Variants in TFDP2 observed in about 807,000 individuals in gnomAD.
TFDP2 encodes transcription factor Dp-2 (E2F dimerization partner 2).
A neutral mutation model predicts 59.3 loss-of-function variants in TFDP2; 17 were observed. The observed-to-expected ratio is 0.29, with a 90% CI of 0.20 to 0.43. The LOEUF (loss-of-function observed/expected upper bound fraction) is 0.43, where lower values mean the gene tolerates loss of function less well. Ranked by LOEUF, TFDP2 falls within the 20% of genes least tolerant of loss-of-function variation. The pLI is 1.00. For synonymous variants in TFDP2, 180 were observed against 194.7 expected (o/e 0.92, Z 0.63); for missense variants, 391 against 528.8 (o/e 0.74, Z 2.56).
chr3:142,051,502 G>A (rs1236081392), intron 3 of TFDP2, among the ~76,000 whole-genome samples: 1 of 150,730 alleles, frequency 6.6e-6, no homozygotes, highest in Non-Finnish European at 1.5e-5. Context: ...CAGCCTGGGA[G>A]ACAGAGAGAG....
chr3:142,128,917 CTT>C (rs11313369), intron 1 of TFDP2, among the ~76,000 whole-genome samples: 68,587 of 150,246 alleles, frequency 0.46, 17,142 homozygotes, highest in East Asian at 0.71. Flanking sequence ...ATGCAACTTT[CTT>C]TTTTTTTTTG....
chr3:141,991,190 C>T (rs1210968922), intron 6 of TFDP2, among the ~76,000 whole-genome samples: 2 of 152,086 alleles, frequency 1.3e-5, no homozygotes, highest in African/African-American at 4.8e-5. Context: ...TCTTTCTTTC[C>T]AGGCACGTAA....
chr3:141,996,813 T>C (rs1033663026), intron 4 of TFDP2, among the ~76,000 whole-genome samples: 1 of 152,232 alleles, frequency 6.6e-6, no homozygotes, highest in East Asian at 1.9e-4. Flanking sequence ...GCTAGGAAGA[T>C]GTTAGCACCT....
intron 3 of TFDP2, among the ~76,000 whole-genome samples, chr3:142,047,828 G>A (rs140799159): frequency 0.017 from 2,437 of 146,260 alleles, 61 homozygotes; most frequent in African/African-American, 0.059. Context: ...TGCAACCTCC[G>A]CCTCCCGGGT....
intron 2 of TFDP2, among the ~76,000 whole-genome samples, chr3:142,094,271 A>G (rs2061092092): frequency 6.6e-6 from 1 of 151,848 alleles, no homozygotes; most frequent in Non-Finnish European, 1.5e-5. Flanking sequence ...AACTTGTAAC[A>G]TCACAAGTTT....
intron 3 of TFDP2, among the ~76,000 whole-genome samples, chr3:142,019,913 T>C (rs1190366922): frequency 2.6e-5 from 4 of 152,208 alleles, no homozygotes; most frequent in Non-Finnish European, 4.4e-5. Flanking sequence ...TCATTCATGA[T>C]TAACAGTTCC....
At chr3:142,040,989 T>C (rs1185867241) in intron 3 of TFDP2, among the ~76,000 whole-genome samples, 1 of 152,212 alleles carries the variant, frequency 6.6e-6, no homozygotes, top group African/African-American at 2.4e-5. Flanking sequence ...CTGGACTCTG[T>C]CCTATGTGCC....
intron 1 of TFDP2, among the ~76,000 whole-genome samples, chr3:142,124,711 A>C (rs1267466733): frequency 6.6e-6 from 1 of 152,160 alleles, no homozygotes. Flanking sequence ...TGATATGACT[A>C]CAAAAAATGC....
intron 5 of TFDP2, 132 bp from the exon 6 acceptor site, chr3:141,993,717 G>A (rs1006601308): frequency 2.1e-6 from 1 of 470,576 alleles, no homozygotes; most frequent in East Asian, 3.5e-5. Context: ...AAATACAAAA[G>A]ATAGGTACAT....
intron 3 of TFDP2, among the ~76,000 whole-genome samples, chr3:142,075,451 T>C (rs1162914464): frequency 6.6e-6 from 1 of 152,158 alleles, no homozygotes; most frequent in African/African-American, 2.4e-5. Context: ...AAGATTTTGT[T>C]TTTTCTGCGA....
At chr3:142,052,551 A>G (rs960009125) in intron 3 of TFDP2, among the ~76,000 whole-genome samples, 7 of 152,092 alleles carry the variant, frequency 4.6e-5, no homozygotes, top group Middle Eastern at 3.2e-3. Flanking sequence ...AAAGAAAAAA[A>G]AAAAGAAAAC....
At chr3:142,050,098 C>G (rs1947534796) in intron 3 of TFDP2, among the ~76,000 whole-genome samples, 1 of 151,632 alleles carries the variant, frequency 6.6e-6, no homozygotes, top group African/African-American at 2.4e-5. Flanking sequence ...AAAACCCCAT[C>G]TCTACTAAAA....
At chr3:142,088,374 A>G (rs1438944040) in intron 3 of TFDP2, among the ~76,000 whole-genome samples, 2 of 147,972 alleles carry the variant, frequency 1.4e-5, no homozygotes, top group African/African-American at 5.0e-5. Context: ...TCTATCCCCC[A>G]GGCTGGAGTG....
intron 7 of TFDP2, among the ~76,000 whole-genome samples, chr3:141,977,067 G>A (rs1940743401): frequency 7.1e-6 from 1 of 140,950 alleles, no homozygotes; most frequent in Non-Finnish European, 1.5e-5. Flanking sequence ...CTAAATCAGT[G>A]CTCTAGAGAA....
At chr3:142,009,927 ATTG>A (rs754956997) in intron 3 of TFDP2, among the ~76,000 whole-genome samples, 1 of 152,010 alleles carries the variant, frequency 6.6e-6, no homozygotes, top group Non-Finnish European at 1.5e-5. Flanking sequence ...AAAATCAAAT[ATTG>A]AAACATAAAA....
chr3:142,078,830 G>C (rs1230396166), intron 3 of TFDP2, among the ~76,000 whole-genome samples: 1 of 152,036 alleles, frequency 6.6e-6, no homozygotes, highest in African/African-American at 2.4e-5. Flanking sequence ...AATCCCAGAG[G>C]AAAAGAGGTA....
In TFDP2 at chr3:142,020,428, G is replaced by C. The variant is rs544650798; in HGVS notation, c.83-14884C>G. ...TGTGTGCCTATAATCCCAGCTGCTT[G>C]GGTGGCTGAGGCAGGAGAATTGCTT... is the stretch of plus-strand genomic sequence containing the variant. On this transcript the variant is annotated intron_variant, in intron 3 of 12. Transcript: ENST00000489671. 2.0e-5 allele frequency among the ~76,000 whole-genome samples: 3 copies of C among 152,056 alleles called. No individual in the cohort carries two copies. In the East Asian group the frequency reaches 5.8e-4, roughly 29 times the overall value.
chr3:142,060,864 T>C (rs2059895862), intron 3 of TFDP2, among the ~76,000 whole-genome samples: 1 of 152,204 alleles, frequency 6.6e-6, no homozygotes, highest in African/African-American at 2.4e-5. Context: ...TCTAGCAGTG[T>C]TCCTGATGAC....
At chr3:141,998,240 C>T (rs1423971804) in intron 4 of TFDP2, among the ~76,000 whole-genome samples, 1 of 152,152 alleles carries the variant, frequency 6.6e-6, no homozygotes, top group African/African-American at 2.4e-5. Context: ...AAGACTTGAA[C>T]AGCCACAGAA....
Sources: allele counts gnomAD v4.1 joint callset (sites outside exome capture counted in the v4.1 genomes callset), GRCh38; gene constraint gnomAD v4.1.1; transcripts MANE v1.5; gene names NCBI Gene and HGNC (gene_info 2026-07-23, HGNC 2026-07-21).